The following FBXL4 variants were observed in gnomAD, a reference collection of about 807,000 sequenced individuals.
The protein encoded by FBXL4 is F-box/LRR-repeat protein 4.
FBXL4 carries 40 observed loss-of-function variants against 58.9 expected under a neutral mutation model. The observed-to-expected ratio is 0.68, with a 90% CI of 0.53 to 0.88. The LOEUF is 0.88. Among genes scored for constraint, FBXL4 ranks in the 40% least tolerant of loss-of-function variants. FBXL4 has a pLI of 0.00. For synonymous variants in FBXL4, 263 were observed against 265.5 expected (o/e 0.99, Z 0.09); for missense variants, 676 against 734.4 (o/e 0.92, Z 0.92).
At chr6:98,887,120 G>T (rs375403744) in intron 7 of FBXL4, among the ~76,000 whole-genome samples, 1 of 152,058 alleles carries the variant, frequency 6.6e-6, no homozygotes, top group Non-Finnish European at 1.5e-5. Flanking sequence ...AAAAAAATTA[G>T]CCAGGAATAG....
Position 98,874,546 on chromosome 6 carries a change from T to C in FBXL4, c.1703-105A>G, listed in dbSNP as rs1327557519. On this transcript the variant is annotated intron_variant, in intron 9 of 9. Transcript: ENST00000369244. ...CCATGATTTATTGTTTGTAATGAAC[T>C]TAAAATAACCCTTTACAAATTAAAA... 3 of 1,185,816 alleles carry C rather than the reference T, an allele frequency of 2.5e-6. No homozygotes were observed. In the African/African-American group the frequency reaches 4.8e-5, roughly 19 times the overall value. The allele number at this position is 1,185,816 out of a possible 1,614,324, so 73.5% of individuals were successfully genotyped here.
chr6:98,902,130 CA>C (rs1484496466), intron 6 of FBXL4, among the ~76,000 whole-genome samples: 1 of 151,902 alleles, frequency 6.6e-6, no homozygotes, highest in Non-Finnish European at 1.5e-5. Context: ...TTACTTATCA[CA>C]AAATAAAAGG....
In FBXL4 at chr6:98,871,873, A is replaced by G. The variant is rs1030819334; in HGVS notation, c.*2405T>C. Reference sequence around the variant, plus strand: ...TTTTGCGTTCAGGGCTGATATTGACATTTTTCTGAAAAAGAAGACATGTCC... The same window carrying G: ...TTTTGCGTTCAGGGCTGATATTGACGTTTTTCTGAAAAAGAAGACATGTCC... On this transcript the variant is annotated 3_prime_UTR_variant, in exon 10 of 10. Coordinates refer to ENST00000369244, the MANE Select transcript of FBXL4 (RefSeq NM_001278716.2). 1 of 152,150 alleles carries G rather than the reference A, an allele frequency of 6.6e-6. No individual in the cohort carries two copies. The highest frequency in any genetic ancestry group is 1.9e-4 in the East Asian group (1 of 5,202). The allele number at this position is 152,150 out of a possible 1,614,324, so 9.4% of individuals were successfully genotyped here.
chr6:98,876,758 T>G (rs1424027512), intron 8 of FBXL4, among the ~76,000 whole-genome samples: 1 of 152,032 alleles, frequency 6.6e-6, no homozygotes, highest in Non-Finnish European at 1.5e-5. Context: ...AGGAATGAGG[T>G]TGATGCATTC....
chr6:98,877,995 T>G (rs1473890668), intron 8 of FBXL4, among the ~76,000 whole-genome samples: 1 of 152,210 alleles, frequency 6.6e-6, no homozygotes, highest in East Asian at 1.9e-4. Context: ...TCCTCAGAAG[T>G]TCTTGTCACT....
chr6:98,912,674 A>G (rs1482565318), intron 5 of FBXL4, among the ~76,000 whole-genome samples: 2 of 152,178 alleles, frequency 1.3e-5, no homozygotes, highest in Admixed American at 1.3e-4. Context: ...CTCCTGAAGG[A>G]AGCACTAAAC....
In FBXL4 at chr6:98,926,870, G is replaced by A; in HGVS notation, c.119C>T (p.Ser40Leu). The A allele has an allele frequency of 9.3e-6, 15 of 1,614,156 alleles. No individual in the cohort carries two copies. The highest frequency in any genetic ancestry group is 1.2e-5 in the Non-Finnish European group (14 of 1,180,026). The change falls in exon 4 of 10, where the codon TCA (serine) becomes TTA (leucine). Residue 40 changes from serine to leucine, a missense_variant. Physicochemically the swap from Ser to Leu is moderately radical, Grantham distance 145. Coordinates refer to ENST00000369244, the MANE Select transcript of FBXL4 (RefSeq NM_001278716.2). ...EMMNTHRAIE[S>L]NSQTSPLNAE... ...ATTGAGAGGGGAAGTCTGGCTGTTT[G>A]ATTCTATAGCTCTATGGGTGTTCAT...
Position 98,872,575 on chromosome 6 carries a change from G to C in FBXL4, c.*1703C>G, listed in dbSNP as rs1770520336. ...GTTCTAAATTATTGTTTTGAATTTT[G>C]TCAATAAAATTTTCGTGCAAATTTT... On this transcript the variant is annotated 3_prime_UTR_variant, in exon 10 of 10. Coordinates refer to ENST00000369244, the MANE Select transcript of FBXL4 (RefSeq NM_001278716.2). 6.6e-6 allele frequency: 1 copy of C among 152,036 alleles called. No individual in the cohort carries two copies. The highest frequency in any genetic ancestry group is 2.1e-4 in the South Asian group (1 of 4,826). 9.4% of individuals were successfully genotyped at this position (152,036 alleles called of 1,614,324 possible).
chr6:98,930,941 A>G (rs1358176627), intron 2 of FBXL4, among the ~76,000 whole-genome samples: 2 of 152,270 alleles, frequency 1.3e-5, no homozygotes, highest in Non-Finnish European at 2.9e-5. Context: ...CTGCAAAAAT[A>G]AAATTTAGGA....
intron 8 of FBXL4, among the ~76,000 whole-genome samples, chr6:98,876,514 CTTTT>C (rs2128376326): frequency 1.3e-5 from 2 of 152,192 alleles, no homozygotes; most frequent in Non-Finnish European, 2.9e-5. Context: ...TCTTTTTGTT[CTTTT>C]GTTTAATTGT....
At chr6:98,924,488 C>T (rs1048371156) in intron 4 of FBXL4, among the ~76,000 whole-genome samples, 1 of 152,088 alleles carries the variant, frequency 6.6e-6, no homozygotes, top group Non-Finnish European at 1.5e-5. Context: ...ACCCGAGAGG[C>T]AGAGGTTGCA....
intron 7 of FBXL4, among the ~76,000 whole-genome samples, chr6:98,882,404 G>A (rs955341597): frequency 1.3e-5 from 2 of 151,652 alleles, no homozygotes; most frequent in African/African-American, 4.8e-5. Context: ...GTTCTACATG[G>A]TTTCTATATA....
chr6:98,913,777 C>T (rs1412395343), intron 5 of FBXL4, among the ~76,000 whole-genome samples: 4 of 152,068 alleles, frequency 2.6e-5, no homozygotes, highest in East Asian at 1.9e-4. Flanking sequence ...AGAGCAAACA[C>T]ATTCAAAAGA....
intron 7 of FBXL4, among the ~76,000 whole-genome samples, chr6:98,886,394 CTCT>C (rs1374127415): frequency 6.6e-6 from 1 of 152,148 alleles, no homozygotes; most frequent in Non-Finnish European, 1.5e-5. Flanking sequence ...CCTCAGACTT[CTCT>C]TCTAATTTAG....
intron 7 of FBXL4, among the ~76,000 whole-genome samples, chr6:98,881,317 C>T (rs950649170): frequency 4.6e-5 from 7 of 152,084 alleles, no homozygotes; most frequent in Non-Finnish European, 1.0e-4. Context: ...ATAATCATGG[C>T]ACCCTAAAAT....
intron 5 of FBXL4, among the ~76,000 whole-genome samples, chr6:98,914,086 G>A (rs1394908430): frequency 2.6e-5 from 4 of 152,102 alleles, no homozygotes; most frequent in South Asian, 2.1e-4. Context: ...TAAATTCCTC[G>A]ACTCATACAC....
chr6:98,899,842 C>T (rs556679751), intron 6 of FBXL4, among the ~76,000 whole-genome samples: 5 of 152,184 alleles, frequency 3.3e-5, no homozygotes, highest in African/African-American at 1.2e-4. Context: ...AAACTCTAAA[C>T]TCTTGGGAGA....
intron 6 of FBXL4, among the ~76,000 whole-genome samples, chr6:98,900,446 G>A (rs779352722): frequency 2.0e-5 from 3 of 152,190 alleles, no homozygotes; most frequent in Non-Finnish European, 4.4e-5. Flanking sequence ...AATCAGATTA[G>A]TTGTGTAAAT....
chr6:98,920,955 A>G (rs1008557171), intron 4 of FBXL4, among the ~76,000 whole-genome samples: 1 of 152,162 alleles, frequency 6.6e-6, no homozygotes, highest in Admixed American at 6.5e-5. Context: ...GTACATTTAC[A>G]TGTTTAATAT....
Sources: allele counts gnomAD v4.1 joint callset (sites outside exome capture counted in the v4.1 genomes callset), GRCh38; gene constraint gnomAD v4.1.1; transcripts MANE v1.5; gene names NCBI Gene and HGNC (gene_info 2026-07-23, HGNC 2026-07-21).